Variants in CACNA1D observed in about 807,000 individuals in gnomAD.
CACNA1D encodes the protein calcium voltage-gated channel subunit alpha1 D.
In CACNA1D, 55 loss-of-function variants were observed where a neutral mutation model predicts 257.1. The ratio of observed to expected loss-of-function variants is 0.21; its 90% CI spans 0.17 to 0.27. The LOEUF is 0.27. Ranked by LOEUF, CACNA1D falls within the 10% of genes least tolerant of loss-of-function variation. CACNA1D has a pLI of 1.00. For missense variants in CACNA1D, 1,876 were observed against 2,784.0 expected (o/e 0.67, Z 7.34); for synonymous variants, 980 against 1,014.9 (o/e 0.97, Z 0.65).
Position 53,774,251 on chromosome 3 carries a change from T to A in CACNA1D, c.4111-336T>A. On this transcript the variant is annotated intron_variant, in intron 33 of 47. Transcript: ENST00000350061. This position sits in a 1 kb window ranked among gnomAD's most constrained non-coding sequence, Gnocchi z 4.3. ...CCTTCCCTGACCCAGCCCCCCAGCC[T>A]TCAGTAGATGAGCCTGTCTCACGCT... 1 of 340,758 alleles carries A rather than the reference T, an allele frequency of 2.9e-6. No homozygotes were observed. Among genetic ancestry groups the A allele is most frequent in the East Asian group, 7.1e-5 (1 of 14,124 alleles). 21.1% of individuals were successfully genotyped at this position (340,758 alleles called of 1,614,324 possible). A position where few individuals can be genotyped will look rare whatever the true frequency, so the allele number is the denominator to read the frequency against.
chr3:53,542,527 G>A (rs2092320171), intron 3 of CACNA1D, among the ~76,000 whole-genome samples: 1 of 151,994 alleles, frequency 6.6e-6, no homozygotes, highest in Non-Finnish European at 1.5e-5. Flanking sequence ...CTGCAGTGAG[G>A]TTTGACTGTG....
At chr3:53,708,345 C>T (rs1271681736) in intron 9 of CACNA1D, among the ~76,000 whole-genome samples, 2 of 152,190 alleles carry the variant, frequency 1.3e-5, no homozygotes, top group African/African-American at 4.8e-5. Flanking sequence ...GAGTGGCATA[C>T]GGTAAATATG....
intron 3 of CACNA1D, among the ~76,000 whole-genome samples, chr3:53,552,632 C>T (rs943790742): frequency 2.0e-5 from 3 of 152,246 alleles, no homozygotes; most frequent in African/African-American, 7.2e-5. Flanking sequence ...CTGCCCGCCT[C>T]GGCCTCCCAA....
At chr3:53,657,539 A>G (rs1256522583) in intron 4 of CACNA1D, among the ~76,000 whole-genome samples, 3 of 152,228 alleles carry the variant, frequency 2.0e-5, no homozygotes, top group Non-Finnish European at 4.4e-5. Context: ...TATTATAGAT[A>G]AATTAAACTG....
chr3:53,735,236 G>T, intron 19 of CACNA1D, 138 bp from the exon 20 acceptor site: 1 of 856,452 alleles, frequency 1.2e-6, no homozygotes, highest in Non-Finnish European at 2.0e-6. Context: ...GCTCAGGTGT[G>T]CCGGGCAGGG....
intron 32 of CACNA1D, 48 bp downstream of exon 32, chr3:53,770,600 G>A: frequency 1.3e-6 from 2 of 1,590,764 alleles, no homozygotes; most frequent in Non-Finnish European, 1.7e-6. Flanking sequence ...AAGATCATAT[G>A]TAAGTCAGTG....
At chr3:53,572,753 C>T (rs967047999) in intron 3 of CACNA1D, among the ~76,000 whole-genome samples, 1 of 152,210 alleles carries the variant, frequency 6.6e-6, no homozygotes, top group Non-Finnish European at 1.5e-5. Flanking sequence ...CTGCTACCAC[C>T]TCCCTGATCT....
In CACNA1D at chr3:53,582,221, G is replaced by A. The variant is rs1297643164; in HGVS notation, c.484-68558G>A. On this transcript the variant is annotated intron_variant, in intron 3 of 47. Coordinates refer to ENST00000350061, the MANE Select transcript of CACNA1D (RefSeq NM_001128840.3). The stretch of plus-strand genomic sequence containing the variant: ...CCCTCCCTTTTTGTGGTGTCTTACT[G>A]AGCCAGTTGTTCATTCCCCAGCAAA... 2.0e-5 allele frequency among the ~76,000 whole-genome samples: 3 copies of A among 151,950 alleles called. No homozygotes were observed. The South Asian group carries it at 6.3e-4, about 32-fold the overall frequency.
chr3:53,776,094 G>A (rs1254362785), intron 35 of CACNA1D, 49 bp downstream of exon 35: 28 of 1,548,718 alleles, frequency 1.8e-5, no homozygotes, highest in Non-Finnish European at 2.1e-5. Flanking sequence ...TGCTTATGTA[G>A]CAGTCAGCGT....
chr3:53,671,876 G>A (rs903016580), intron 7 of CACNA1D, among the ~76,000 whole-genome samples: 73 of 152,362 alleles, frequency 4.8e-4, no homozygotes, highest in African/African-American at 1.7e-3. Context: ...GCTTGCACCT[G>A]CAAGGCAAGA....
intron 45 of CACNA1D, among the ~76,000 whole-genome samples, chr3:53,806,390 C>A (rs1229893098): frequency 6.6e-6 from 1 of 152,164 alleles, no homozygotes; most frequent in Non-Finnish European, 1.5e-5. Context: ...GGGGCTGGGG[C>A]TGGCTGCTTC....
chr3:53,660,684 T>A (rs555863149), intron 5 of CACNA1D, among the ~76,000 whole-genome samples: 3 of 145,868 alleles, frequency 2.1e-5, no homozygotes, highest in Non-Finnish European at 3.0e-5. Flanking sequence ...CTGCGTGCCT[T>A]TTTTTTTTTC....
At chr3:53,792,625 C>T (rs1308470353) in intron 40 of CACNA1D, among the ~76,000 whole-genome samples, 1 of 152,114 alleles carries the variant, frequency 6.6e-6, no homozygotes, top group Non-Finnish European at 1.5e-5. Flanking sequence ...CCCTTCCAAG[C>T]ATCCTGGGAG....
intron 4 of CACNA1D, among the ~76,000 whole-genome samples, chr3:53,656,547 G>T (rs747792391): frequency 6.6e-6 from 1 of 152,080 alleles, no homozygotes; most frequent in African/African-American, 2.4e-5. Context: ...GACACAAAAA[G>T]CTCCAGCCAT....
At chr3:53,726,396 G>A (rs1158456340) in intron 14 of CACNA1D, among the ~76,000 whole-genome samples, 1 of 152,180 alleles carries the variant, frequency 6.6e-6, no homozygotes, top group East Asian at 1.9e-4. Flanking sequence ...CCAGCACTTT[G>A]GGAGGCTGAA....
intron 45 of CACNA1D, 78 bp downstream of exon 45, chr3:53,805,224 C>A: frequency 7.3e-7 from 1 of 1,365,366 alleles, no homozygotes; most frequent in Non-Finnish European, 1.0e-6. Flanking sequence ...CTCTGGGGGC[C>A]GGTGATGGAT....
chr3:53,777,480 A>G (rs891366352), intron 37 of CACNA1D, among the ~76,000 whole-genome samples: 1 of 152,212 alleles, frequency 6.6e-6, no homozygotes, highest in African/African-American at 2.4e-5. Flanking sequence ...ATCAACCAGG[A>G]GAGCCAGAAC....
chr3:53,770,313 A>G, intron 31 of CACNA1D, 111 bp from the exon 32 acceptor site: 1 of 1,054,026 alleles, frequency 9.5e-7, no homozygotes, highest in Non-Finnish European at 1.5e-6. Context: ...AGGCCCTAGA[A>G]TCACATCTTC....
intron 3 of CACNA1D, among the ~76,000 whole-genome samples, chr3:53,613,905 T>G (rs113756897): frequency 0.015 from 2,283 of 152,050 alleles, 64 homozygotes; most frequent in African/African-American, 0.052. Flanking sequence ...TTTGAATAAC[T>G]AAAGTTCAAT....
Sources: allele counts gnomAD v4.1 joint callset (sites outside exome capture counted in the v4.1 genomes callset), GRCh38; gene constraint gnomAD v4.1.1; non-coding constraint Gnocchi (gnomAD v3.1); transcripts MANE v1.5; gene names NCBI Gene and HGNC (gene_info 2026-07-23, HGNC 2026-07-21).